Variants in PCDHA6 observed in about 807,000 individuals in gnomAD.
The protein encoded by PCDHA6 is protocadherin alpha 6, also known as protocadherin alpha-6.
In PCDHA6, 55 loss-of-function variants were observed where a neutral mutation model predicts 60.3. The observed-to-expected ratio is 0.91, with a 90% CI of 0.73 to 1.14. PCDHA6 has a LOEUF of 1.14. Among genes scored for constraint, PCDHA6 ranks in the 50% most tolerant of loss-of-function variants. PCDHA6 has a pLI of 0.00. For missense variants in PCDHA6, 1,327 were observed against 1,256.5 expected (o/e 1.06, Z -0.85); for synonymous variants, 652 against 557.9 (o/e 1.17, Z -2.38).
intron 1 of PCDHA6, chr5:140,871,730 T>C: frequency 2.8e-6 from 2 of 714,038 alleles, no homozygotes; most frequent in Middle Eastern, 4.1e-4. Flanking sequence ...TAATATTTGG[T>C]TAGCAAATCC....
chr5:140,908,596 T>C (rs1311064984), intron 1 of PCDHA6, among the ~76,000 whole-genome samples: 1 of 152,120 alleles, frequency 6.6e-6, no homozygotes, highest in African/African-American at 2.4e-5. Flanking sequence ...CTGCAGAAGA[T>C]GGAAGGGCCT....
chr5:140,966,206 T>C, intron 1 of PCDHA6: 1 of 227,662 alleles, frequency 4.4e-6, no homozygotes, highest in Non-Finnish European at 8.5e-6. Context: ...GCTTGACTGC[T>C]TTTCCCAGAC....
At chr5:140,929,132 T>C (rs782124526) in intron 1 of PCDHA6, 2 of 1,614,214 alleles carry the variant, frequency 1.2e-6, no homozygotes, top group East Asian at 4.5e-5. Flanking sequence ...GTCACTACAG[T>C]TGAGAGACTT....
intron 3 of PCDHA6, among the ~76,000 whole-genome samples, chr5:141,007,687 C>T (rs1434828672): frequency 1.3e-5 from 2 of 152,200 alleles, no homozygotes; most frequent in Non-Finnish European, 2.9e-5. Flanking sequence ...TATCCTACTT[C>T]CACCTCCCTC....
At chr5:140,857,599 C>T (rs2044712961) in intron 1 of PCDHA6, 1 of 1,596,308 alleles carries the variant, frequency 6.3e-7, no homozygotes, top group Non-Finnish European at 8.6e-7. Flanking sequence ...GCAAGGTGTA[C>T]GCGCTGCAGC....
chr5:140,978,150 C>T (rs1009630892), intron 1 of PCDHA6, among the ~76,000 whole-genome samples: 2 of 152,286 alleles, frequency 1.3e-5, no homozygotes, highest in South Asian at 4.2e-4. Context: ...TTGTTCTCCC[C>T]CTTCAGACTG....
intron 1 of PCDHA6, among the ~76,000 whole-genome samples, chr5:140,855,644 T>G (rs1324111294): frequency 6.7e-6 from 1 of 149,848 alleles, no homozygotes; most frequent in Non-Finnish European, 1.5e-5. Context: ...TTGATAATCA[T>G]GTGGTTAGGG....
chr5:140,927,008 TCTCCGCGGACTTGAGGCTGCCAG>T (rs782232084), intron 1 of PCDHA6: 1 of 1,612,514 alleles, frequency 6.2e-7, no homozygotes, highest in South Asian at 1.1e-5. Flanking sequence ...GTAGGCAATC[TCTCCGCGGACTTGAGGCTGCCAG>T]CGGCCGCTAT....
At chr5:140,906,753 T>G (rs2072907402) in intron 1 of PCDHA6, among the ~76,000 whole-genome samples, 1 of 152,224 alleles carries the variant, frequency 6.6e-6, no homozygotes, top group Non-Finnish European at 1.5e-5. Context: ...CAGGGCATGG[T>G]AATACTAAGA....
At chr5:140,884,254 G>A (rs1554181387) in intron 1 of PCDHA6, 2 of 1,613,406 alleles carry the variant, frequency 1.2e-6, no homozygotes, top group Admixed American at 1.7e-5. Flanking sequence ...TGACGGCCAC[G>A]GCAACGGTGC....
Position 140,856,423 on chromosome 5 carries a change from T to C in PCDHA6, c.2394+25938T>C, listed in dbSNP as rs1266159746. 5 of 1,598,178 alleles carry C rather than the reference T, an allele frequency of 3.1e-6. 1 individual carries two copies. In the African/African-American group the frequency reaches 4.0e-5, roughly 13 times the overall value. On this transcript the variant is annotated intron_variant, in intron 1 of 3. Transcript: ENST00000529310. ...ATGTGGACGTGGAAGTGAAGGACAT[T>C]AACGACAACCCGCCCAGGTTCTCCG...
intron 1 of PCDHA6, chr5:140,856,458 A>C: frequency 9.4e-6 from 15 of 1,598,416 alleles, no homozygotes; most frequent in Non-Finnish European, 1.3e-5. Flanking sequence ...GTAACAGAAC[A>C]AAAGCTCTCA....
At chr5:140,850,645 T>G in intron 1 of PCDHA6, 1 of 1,598,542 alleles carries the variant, frequency 6.3e-7, no homozygotes. Flanking sequence ...ACGCTGCTGC[T>G]GTACACTGTG....
chr5:140,976,413 C>T (rs560298731), intron 1 of PCDHA6, among the ~76,000 whole-genome samples: 2 of 151,978 alleles, frequency 1.3e-5, no homozygotes, highest in African/African-American at 4.8e-5. Flanking sequence ...TAGCCAGGTA[C>T]GGTGGCAGAT....
At chr5:140,902,208 T>TC (rs1462936622) in intron 1 of PCDHA6, among the ~76,000 whole-genome samples, 2 of 149,762 alleles carry the variant, frequency 1.3e-5, no homozygotes, top group East Asian at 3.9e-4. Flanking sequence ...TCTTTCTTTT[T>TC]TTTTTTTTTT....
intron 1 of PCDHA6, among the ~76,000 whole-genome samples, chr5:140,900,569 A>G (rs1166977648): frequency 2.6e-5 from 4 of 152,182 alleles, no homozygotes; most frequent in African/African-American, 9.7e-5. Context: ...GAGCCACGGC[A>G]CCGGCCCATT....
chr5:140,848,559 G>C, intron 1 of PCDHA6: 1 of 1,595,568 alleles, frequency 6.3e-7, no homozygotes, highest in Non-Finnish European at 8.6e-7. Context: ...TCTGATCCTC[G>C]CAATGTGGGT....
intron 1 of PCDHA6, chr5:140,871,242 G>A: frequency 1.2e-6 from 2 of 1,613,980 alleles, no homozygotes; most frequent in Non-Finnish European, 8.5e-7. Flanking sequence ...TGGTACTCAC[G>A]CTGCTGCTGT....
chr5:140,993,463 CACACACACACACACA>C (rs2097564014), intron 3 of PCDHA6, among the ~76,000 whole-genome samples: 3 of 7,580 alleles, frequency 4.0e-4, no homozygotes, highest in African/African-American at 2.0e-3. Context: ...CTTTCTTTCT[CACACACACACACACA>C]CACACACACA....
Sources: gnomAD v4.1 joint callset for allele counts (sites outside exome capture counted in the v4.1 genomes callset) on GRCh38, gnomAD v4.1.1 for gene constraint, MANE v1.5 for transcripts, NCBI Gene and HGNC (gene_info 2026-07-23, HGNC 2026-07-21) for gene names.